ZZZ3: variants seen among roughly 807,000 people sequenced by gnomAD.
ZZZ3 encodes the protein zinc finger ZZ-type containing 3.
A neutral mutation model predicts 95.2 loss-of-function variants in ZZZ3; 22 were observed. The observed-to-expected ratio is 0.23, with a 90% CI of 0.17 to 0.33. ZZZ3 has a LOEUF of 0.33. Ranked by LOEUF, ZZZ3 falls within the 10% of genes least tolerant of loss-of-function variation. The pLI, the probability that ZZZ3 is intolerant of heterozygous loss-of-function variation, is 1.00. For synonymous variants in ZZZ3, 335 were observed against 358.9 expected, an observed-to-expected ratio of 0.93 and a Z score of 0.75; for missense variants, 885 against 1,066.5, an observed-to-expected ratio of 0.83 and a Z score of 2.37.
At chr1:77,658,072 G>A (rs1670433884) in intron 1 of ZZZ3, among the ~76,000 whole-genome samples, 1 of 151,432 alleles carries the variant, frequency 6.6e-6, no homozygotes, top group African/African-American at 2.4e-5. Flanking sequence ...CCAGCTACTA[G>A]GGAGGCTGAG....
At chr1:77,579,493 C>T in intron 10 of ZZZ3, 34 bp downstream of exon 10, 2 of 1,476,018 alleles carry the variant, frequency 1.4e-6, no homozygotes, top group Non-Finnish European at 1.9e-6. Flanking sequence ...CTACCAAAAG[C>T]ATACCAGCAA....
At chr1:77,655,768 G>A (rs1017071683) in intron 1 of ZZZ3, among the ~76,000 whole-genome samples, 1 of 152,146 alleles carries the variant, frequency 6.6e-6, no homozygotes, top group African/African-American at 2.4e-5. Context: ...GCCTGAACCA[G>A]ACAAACACCC....
In ZZZ3 at chr1:77,565,380, C is replaced by G. The variant is rs1660726543; in HGVS notation, c.*260G>C. On this transcript the variant is annotated 3_prime_UTR_variant, in exon 15 of 15. Coordinates refer to ENST00000370801, the MANE Select transcript of ZZZ3 (RefSeq NM_015534.6). The stretch of plus-strand genomic sequence containing the variant: ...AATGTGTGCTCTCGTTCCATCTCAC[C>G]CATTTAAGATCACCACCTAAAACGC... 8.3e-6 allele frequency: 3 copies of G among 363,438 alleles called. No homozygotes were observed. In the South Asian group the frequency reaches 2.2e-4, roughly 27 times the overall value. The allele number at this position is 363,438 out of a possible 1,614,324, so 22.5% of individuals were successfully genotyped here.
intron 1 of ZZZ3, among the ~76,000 whole-genome samples, chr1:77,644,562 T>C (rs1028643542): frequency 5.3e-5 from 8 of 152,180 alleles, no homozygotes; most frequent in African/African-American, 9.7e-5. Context: ...AGGAAGAATA[T>C]AGGATTTGGT....
intron 5 of ZZZ3, among the ~76,000 whole-genome samples, chr1:77,586,566 T>C (rs1184173044): frequency 1.3e-5 from 2 of 152,154 alleles, no homozygotes; most frequent in East Asian, 1.9e-4. Context: ...TTTTACAGTA[T>C]GTAAATTTTT....
At chr1:77,630,768 C>T (rs1158537976) in intron 5 of ZZZ3, among the ~76,000 whole-genome samples, 1 of 151,578 alleles carries the variant, frequency 6.6e-6, no homozygotes, top group Non-Finnish European at 1.5e-5. Context: ...TTACCATATA[C>T]AAATCTACAC....
chr1:77,595,526 T>C (rs1262289123), intron 5 of ZZZ3, among the ~76,000 whole-genome samples: 3 of 152,064 alleles, frequency 2.0e-5, no homozygotes, highest in African/African-American at 7.2e-5. Context: ...GGAGACTCTC[T>C]AAAATCTCTG....
chr1:77,595,118 A>G lies in ZZZ3; in HGVS notation c.1506-10463T>C, dbSNP rs554985387. On this transcript the variant is annotated intron_variant, in intron 5 of 14. Transcript: ENST00000370801. ...AACCATTCTAAAGGAGGCACATATA[A>G]CCAACATGCAGCACTACCTTCAAGA... Among the ~76,000 whole-genome samples the G allele has an allele frequency of 2.6e-5, 4 of 152,140 alleles. No homozygotes were observed. In the East Asian group the frequency reaches 5.8e-4, roughly 22 times the overall value.
intron 12 of ZZZ3, among the ~76,000 whole-genome samples, chr1:77,575,282 G>T (rs1661816890): frequency 6.6e-6 from 1 of 152,122 alleles, no homozygotes; most frequent in Non-Finnish European, 1.5e-5. Context: ...GGGGGCAGGG[G>T]GATTACTTTT....
At chr1:77,640,258 C>G (rs959056880) in intron 3 of ZZZ3, among the ~76,000 whole-genome samples, 1 of 152,060 alleles carries the variant, frequency 6.6e-6, no homozygotes, top group African/African-American at 2.4e-5. Context: ...TTTCTTAGAA[C>G]AGTCTGGTTA....
At chr1:77,608,398 A>G (rs1456621511) in intron 5 of ZZZ3, among the ~76,000 whole-genome samples, 1 of 152,208 alleles carries the variant, frequency 6.6e-6, no homozygotes, top group Admixed American at 6.5e-5. Flanking sequence ...AGAATAGTAT[A>G]TGCAGTGAAA....
intron 1 of ZZZ3, among the ~76,000 whole-genome samples, chr1:77,655,498 C>T (rs1241881631): frequency 6.6e-6 from 1 of 152,176 alleles, no homozygotes; most frequent in African/African-American, 2.4e-5. Context: ...CCGTTGCCAA[C>T]ACTTAATCTG....
rs1660660301 is a variant in ZZZ3, at chr1:77,564,526, A to C, written c.*1114T>G. 6.6e-6 allele frequency: 1 copy of C among 152,660 alleles called. No homozygotes were observed. The highest frequency in any genetic ancestry group is 2.4e-5 in the African/African-American group (1 of 41,458). 9.5% of individuals were successfully genotyped at this position (152,660 alleles called of 1,614,324 possible). ...TCTATAATATAAACAGACAGTATCCACATAGTTTATTTCTCACAGTTCTCC... is the reference window on the plus strand; with the variant it reads ...TCTATAATATAAACAGACAGTATCCCCATAGTTTATTTCTCACAGTTCTCC... On this transcript the variant is annotated 3_prime_UTR_variant, in exon 15 of 15. Transcript: ENST00000370801.
At chr1:77,617,609 C>T (rs1237180218) in intron 5 of ZZZ3, among the ~76,000 whole-genome samples, 1 of 151,998 alleles carries the variant, frequency 6.6e-6, no homozygotes, top group Non-Finnish European at 1.5e-5. Context: ...CATGTTTAAA[C>T]ACCTATCTTT....
At chr1:77,664,990 C>T (rs761378048) in intron 1 of ZZZ3, among the ~76,000 whole-genome samples, 12 of 152,090 alleles carry the variant, frequency 7.9e-5, no homozygotes, top group East Asian at 3.8e-4. Context: ...TTTGTTACAA[C>T]AAATTAACAA....
intron 4 of ZZZ3, among the ~76,000 whole-genome samples, chr1:77,635,172 C>G (rs771821300): frequency 2.2e-4 from 34 of 152,230 alleles, no homozygotes; most frequent in Admixed American, 3.9e-4. Flanking sequence ...AGGAAATAAT[C>G]TCCCTGTTCC....
intron 5 of ZZZ3, among the ~76,000 whole-genome samples, chr1:77,611,498 G>A (rs1665809257): frequency 6.6e-6 from 1 of 151,734 alleles, no homozygotes; most frequent in Non-Finnish European, 1.5e-5. Flanking sequence ...AATTTGTATG[G>A]AACCACAAAA....
intron 1 of ZZZ3, among the ~76,000 whole-genome samples, chr1:77,675,071 G>A (rs966609566): frequency 6.6e-6 from 1 of 151,536 alleles, no homozygotes; most frequent in Non-Finnish European, 1.5e-5. Flanking sequence ...ATATAGAGAA[G>A]TATTACATCC....
At chr1:77,587,873 G>C (rs1663261026) in intron 5 of ZZZ3, among the ~76,000 whole-genome samples, 1 of 152,186 alleles carries the variant, frequency 6.6e-6, no homozygotes, top group African/African-American at 2.4e-5. Context: ...CAATGAGGGT[G>C]AATACTTTTA....
Sources: allele counts gnomAD v4.1 joint callset (sites outside exome capture counted in the v4.1 genomes callset), GRCh38; gene constraint gnomAD v4.1.1; transcripts MANE v1.5; gene names NCBI Gene and HGNC (gene_info 2026-07-23, HGNC 2026-07-21).